POU2F3: variants seen among roughly 807,000 people sequenced by gnomAD.
POU2F3 encodes POU domain, class 2, transcription factor 3.
POU2F3 carries 23 observed loss-of-function variants against 59.2 expected under a neutral mutation model. The observed-to-expected ratio is 0.39, with a 90% confidence interval of 0.28 to 0.55. The LOEUF is 0.55. POU2F3 is among the 20% of genes least tolerant of loss of function. The probability of loss-of-function intolerance (pLI) is 0.66; values close to 1 mark genes in which losing one functional copy is unlikely to be tolerated. For synonymous variants in POU2F3, 190 were observed against 214.6 expected (o/e 0.89, Z 1.00); for missense variants, 473 against 544.5 (o/e 0.87, Z 1.31).
At position 120,319,501 on chromosome 11, in the gene POU2F3, C is replaced by T. The variant is rs1014078034; in HGVS notation, c.*1109C>T. On this transcript the variant is annotated 3_prime_UTR_variant, in exon 13 of 13. Transcript: ENST00000543440. ...TCCAGCCCAGGCTGGAGTGCAGTGG[C>T]ATGATCTTGGCTCACTGCATGCTCT... is the stretch of plus-strand genomic sequence containing the variant. The T allele has an allele frequency of 3.6e-5, 5 of 137,830 alleles. No individual in the cohort carries two copies. Among genetic ancestry groups the T allele is most frequent in the African/African-American group, 1.4e-4 (5 of 36,118 alleles). 8.5% of individuals were successfully genotyped at this position (137,830 alleles called of 1,614,324 possible). A position where few individuals can be genotyped will look rare whatever the true frequency, so the allele number is the denominator to read the frequency against.
At chr11:120,241,960 G>A (rs539264304) in intron 1 of POU2F3, among the ~76,000 whole-genome samples, 4 of 152,106 alleles carry the variant, frequency 2.6e-5, no homozygotes, top group Non-Finnish European at 5.9e-5. Context: ...CTTCTCAGAA[G>A]CCCAGACACC....
Position 120,305,725 on chromosome 11 carries a change from C to A in POU2F3, c.709C>A (p.Leu237Met). Residue 237 changes from leucine to methionine, a missense_variant, in exon 8 of 13, where the codon CTG (leucine) becomes ATG (methionine). Physicochemically the swap from Leu to Met is conservative, Grantham distance 15 (BLOSUM62 2). Coordinates refer to ENST00000543440, the MANE Select transcript of POU2F3 (RefSeq NM_014352.4). ...TTISRFEALNLSFKNMCKLKP... is the reference protein window; with the variant it reads ...TTISRFEALNMSFKNMCKLKP... ...CATCTCACGATTTGAGGCCCTCAAC[C>A]TGAGCTTCAAGAACATGTGCAAGCT... The A allele has an allele frequency of 1.9e-6, 3 of 1,613,966 alleles. No individual in the cohort carries two copies. Among genetic ancestry groups the A allele is most frequent in the Non-Finnish European group, 2.5e-6 (3 of 1,180,034 alleles).
upstream of POU2F3, chr11:120,236,652 C>T (rs530388175): frequency 3.8e-5 from 57 of 1,485,780 alleles, no homozygotes; most frequent in African/African-American, 4.0e-4. Flanking sequence ...CACTCCAGCC[C>T]AGAGCTCAAA....
At chr11:120,284,651 A>G (rs932699939) in intron 3 of POU2F3, among the ~76,000 whole-genome samples, 1 of 152,216 alleles carries the variant, frequency 6.6e-6, no homozygotes, top group Non-Finnish European at 1.5e-5. Flanking sequence ...TTAGGAAGTA[A>G]CGTGGCCATC....
At chr11:120,317,571 T>C (rs529257399) in intron 12 of POU2F3, among the ~76,000 whole-genome samples, 2 of 152,318 alleles carry the variant, frequency 1.3e-5, no homozygotes, top group Non-Finnish European at 2.9e-5. Context: ...CAGTGAGCCA[T>C]CCTGGCAAGG....
chr11:120,315,695 G>C (rs760316830), intron 11 of POU2F3, among the ~76,000 whole-genome samples: 27 of 152,192 alleles, frequency 1.8e-4, no homozygotes, highest in Admixed American at 7.9e-4. Context: ...AAAATGAACT[G>C]TGTGGAAGGC....
chr11:120,240,123 C>T (rs932445227), upstream of POU2F3: 1 of 1,169,910 alleles, frequency 8.5e-7, no homozygotes, highest in Non-Finnish European at 1.1e-6. Flanking sequence ...CGCCCCGCGC[C>T]GCGTGCTCAC....
At chr11:120,298,625 C>T (rs1941258386) in intron 4 of POU2F3, among the ~76,000 whole-genome samples, 3 of 152,302 alleles carry the variant, frequency 2.0e-5, no homozygotes, top group Middle Eastern at 3.4e-3. Flanking sequence ...CTTGCCAAAG[C>T]CAAGGACCTA....
intron 2 of POU2F3, among the ~76,000 whole-genome samples, chr11:120,253,877 A>C (rs1015273571): frequency 2.0e-5 from 3 of 151,338 alleles, no homozygotes; most frequent in African/African-American, 7.3e-5. Flanking sequence ...CATTCCTCTC[A>C]CTCCCTCCCT....
chr11:120,271,250 C>A (rs2135200275), intron 3 of POU2F3, among the ~76,000 whole-genome samples: 1 of 152,296 alleles, frequency 6.6e-6, no homozygotes, highest in East Asian at 1.9e-4. Context: ...GGACTTCCAG[C>A]CAATGCAGTT....
chr11:120,246,983 C>G (rs1449116449), intron 2 of POU2F3, among the ~76,000 whole-genome samples: 3 of 152,076 alleles, frequency 2.0e-5, no homozygotes, highest in Admixed American at 2.0e-4. Context: ...AGGCTTGGTG[C>G]CTGGAGGTGA....
At chr11:120,257,343 G>A (rs1434093301) in intron 2 of POU2F3, among the ~76,000 whole-genome samples, 1 of 151,896 alleles carries the variant, frequency 6.6e-6, no homozygotes, top group East Asian at 1.9e-4. Flanking sequence ...GTTCCTTTCT[G>A]CTATTTTGTT....
At chr11:120,315,237 G>C (rs1941754332) in intron 10 of POU2F3, 124 bp from the exon 11 acceptor site, 6 of 870,212 alleles carry the variant, frequency 6.9e-6, no homozygotes, top group Non-Finnish European at 1.1e-5. Flanking sequence ...ATGTAGGCTA[G>C]GAAATCACCA....
At chr11:120,318,177 G>C (rs1251189667) in intron 12 of POU2F3, among the ~76,000 whole-genome samples, 176 bp from the exon 13 acceptor site, 2 of 152,172 alleles carry the variant, frequency 1.3e-5, no homozygotes, top group Non-Finnish European at 2.9e-5. Context: ...AAAGTGTGCA[G>C]TTCAGTGGTT....
intron 3 of POU2F3, among the ~76,000 whole-genome samples, chr11:120,279,562 C>T (rs1940477233): frequency 6.6e-6 from 1 of 152,224 alleles, no homozygotes; most frequent in Non-Finnish European, 1.5e-5. Flanking sequence ...CCAATCTCAG[C>T]CCCACCGCCC....
intron 10 of POU2F3, among the ~76,000 whole-genome samples, chr11:120,311,840 C>T (rs941634478): frequency 6.6e-6 from 1 of 152,114 alleles, no homozygotes. Context: ...GCCATGCCAC[C>T]AGCTTTTGCA....
upstream of POU2F3, among the ~76,000 whole-genome samples, chr11:120,236,986 T>C (rs1326227461): frequency 3.9e-5 from 6 of 152,142 alleles, no homozygotes; most frequent in African/African-American, 9.7e-5. Context: ...TTCAATGATA[T>C]CTAGGTTCTT....
chr11:120,258,225 C>T (rs1939432325), intron 2 of POU2F3, among the ~76,000 whole-genome samples: 1 of 152,154 alleles, frequency 6.6e-6, no homozygotes, highest in South Asian at 2.1e-4. Context: ...CCCCCACTTT[C>T]CTCACCCTGG....
In POU2F3 at chr11:120,305,115, C is replaced by A; in HGVS notation, c.530C>A (p.Pro177His). ...SQHLPVPKHL[P>H]SSGGADEPSD... ...CATCTCCCAGTGCCCAAGCATCTAC[C>A]CAGCTCTGGAGGGGCCGATGAGCCC... is the stretch of plus-strand genomic sequence containing the variant. Residue 177 changes from proline to histidine, a missense_variant, in exon 7 of 13, where the codon CCC becomes CAC. Physicochemically the swap from Pro to His is moderately conservative, Grantham distance 77. Transcript: ENST00000543440. The A allele has an allele frequency of 6.2e-7, 1 of 1,613,966 alleles. No individual in the cohort carries two copies. Among genetic ancestry groups the A allele is most frequent in the Middle Eastern group, 1.6e-4 (1 of 6,062 alleles).
Sources: allele counts gnomAD v4.1 joint callset (sites outside exome capture counted in the v4.1 genomes callset), GRCh38; gene constraint gnomAD v4.1.1; transcripts MANE v1.5; gene names NCBI Gene and HGNC (gene_info 2026-07-23, HGNC 2026-07-21).